The following RGS6 variants were observed in gnomAD, a reference collection of about 807,000 sequenced individuals.
The protein encoded by RGS6 is regulator of G-protein signaling 6.
RGS6 carries 30 observed loss-of-function variants against 78.5 expected under a neutral mutation model. The ratio of observed to expected loss-of-function variants is 0.38; its 90% CI spans 0.29 to 0.52. RGS6 has a LOEUF of 0.52. Ranked by LOEUF, RGS6 falls within the 20% of genes least tolerant of loss-of-function variation. The probability of loss-of-function intolerance (pLI) is 0.85; values close to 1 mark genes in which losing one functional copy is unlikely to be tolerated. For missense variants in RGS6, 495 were observed against 609.7 expected (o/e 0.81, Z 1.98); for synonymous variants, 206 against 206.0 (o/e 1.00, Z 0.00).
intron 17 of RGS6, chr14:72,540,661 A>G (rs2097313074): frequency 2.1e-6 from 3 of 1,397,056 alleles, no homozygotes; most frequent in South Asian, 1.1e-5. Context: ...TCGCCTCTGC[A>G]TGAGTCCCTT....
At chr14:71,877,350 A>G in the RGS6 span, among the ~76,000 whole-genome samples, 1 of 152,104 alleles carries the variant, frequency 6.6e-6, no homozygotes, top group Non-Finnish European at 1.5e-5. Context: ...ATAGTCCCAT[A>G]TTTCTTGGAG....
intron 1 of RGS6, among the ~76,000 whole-genome samples, chr14:71,956,177 T>C (rs1473013151): frequency 1.3e-5 from 2 of 152,156 alleles, no homozygotes; most frequent in African/African-American, 4.8e-5. Context: ...TCAGCCTGGT[T>C]GTGTGACTTC....
chr14:72,335,758 T>G (rs1232983079), intron 2 of RGS6, among the ~76,000 whole-genome samples: 1 of 152,232 alleles, frequency 6.6e-6, no homozygotes, highest in African/African-American at 2.4e-5. Context: ...TTAAGAATGT[T>G]TACAAACTTG....
chr14:72,391,036 G>A (rs2089843327), intron 3 of RGS6, among the ~76,000 whole-genome samples: 1 of 152,176 alleles, frequency 6.6e-6, no homozygotes, highest in Non-Finnish European at 1.5e-5. Flanking sequence ...AGCAGAGACT[G>A]TGAAACTCAA....
chr14:72,167,864 G>T (rs2096950901), intron 2 of RGS6, among the ~76,000 whole-genome samples: 1 of 152,154 alleles, frequency 6.6e-6, no homozygotes, highest in Non-Finnish European at 1.5e-5. Flanking sequence ...AGCAGCCTCT[G>T]TACAGAGGGC....
chr14:72,114,023 A>G (rs2095833258), intron 2 of RGS6, among the ~76,000 whole-genome samples: 1 of 152,200 alleles, frequency 6.6e-6, no homozygotes, highest in South Asian at 2.1e-4. Flanking sequence ...TGGCTGTTGT[A>G]TTGTAAAAGA....
chr14:71,932,642 G>C lies in RGS6; in HGVS notation c.-320G>C, dbSNP rs998479677. ...AGCCAGGCCAGCCCGGAGCGCGCCG[G>C]GGACACCCTGTGCGCCCCGAGTCCC... is the stretch of plus-strand genomic sequence containing the variant. On this transcript the variant is annotated 5_prime_UTR_variant, in exon 1 of 18. Transcript: ENST00000553525. 1.3e-5 allele frequency: 2 copies of C among 152,208 alleles called. No individual in the cohort carries two copies. Among genetic ancestry groups the C allele is most frequent in the Non-Finnish European group, 2.9e-5 (2 of 68,044 alleles). The allele number at this position is 152,208 out of a possible 1,614,324, so 9.4% of individuals were successfully genotyped here.
the RGS6 span, among the ~76,000 whole-genome samples, chr14:71,905,291 C>T: frequency 1.3e-5 from 2 of 152,212 alleles, no homozygotes; most frequent in Non-Finnish European, 2.9e-5. Context: ...GATGAACGAC[C>T]TTAAACCTCA....
chr14:72,509,307 G>T (rs2096850219), intron 13 of RGS6, among the ~76,000 whole-genome samples: 1 of 151,188 alleles, frequency 6.6e-6, no homozygotes, highest in Non-Finnish European at 1.5e-5. Flanking sequence ...AGAGGTTGCA[G>T]TGAGCCACAA....
intron 2 of RGS6, among the ~76,000 whole-genome samples, chr14:72,235,714 C>A (rs1427652005): frequency 6.6e-6 from 1 of 152,184 alleles, no homozygotes; most frequent in African/African-American, 2.4e-5. Context: ...TACAGTCCAA[C>A]AATGTGCTAG....
chr14:72,610,630 A>T, the RGS6 span, among the ~76,000 whole-genome samples: 2 of 152,318 alleles, frequency 1.3e-5, no homozygotes, highest in Non-Finnish European at 2.9e-5. Flanking sequence ...TTGTGAATCG[A>T]CCGTGTGACG....
the RGS6 span, among the ~76,000 whole-genome samples, chr14:71,895,042 G>A: frequency 2.0e-5 from 3 of 152,144 alleles, no homozygotes; most frequent in African/African-American, 7.2e-5. Context: ...GGGATTACAG[G>A]CGTGAGCCAC....
chr14:71,939,129 A>G (rs2090071544), intron 1 of RGS6, among the ~76,000 whole-genome samples: 1 of 152,176 alleles, frequency 6.6e-6, no homozygotes, highest in Non-Finnish European at 1.5e-5. Context: ...GGGCCGGAGT[A>G]ACACACCCAA....
chr14:72,399,551 G>A (rs1045481865), intron 3 of RGS6, among the ~76,000 whole-genome samples: 2 of 152,132 alleles, frequency 1.3e-5, no homozygotes, highest in South Asian at 2.1e-4. Flanking sequence ...GTATTGTTAT[G>A]TGTGAATTTG....
At chr14:72,056,339 G>T (rs2093618572) in intron 2 of RGS6, among the ~76,000 whole-genome samples, 1 of 152,142 alleles carries the variant, frequency 6.6e-6, no homozygotes, top group Non-Finnish European at 1.5e-5. Flanking sequence ...TTTGGAACAT[G>T]TGTTATCTTC....
intron 2 of RGS6, among the ~76,000 whole-genome samples, chr14:72,165,679 G>C (rs1162077069): frequency 6.6e-6 from 1 of 152,186 alleles, no homozygotes; most frequent in Non-Finnish European, 1.5e-5. Context: ...TTGCTGAAAA[G>C]AACAAATGTG....
At chr14:72,538,432 AG>A (rs1567081027) in intron 16 of RGS6, among the ~76,000 whole-genome samples, 2 of 152,244 alleles carry the variant, frequency 1.3e-5, no homozygotes, top group Admixed American at 6.5e-5. Flanking sequence ...CTCAGGGGGT[AG>A]GTGAGCTGAG....
intron 2 of RGS6, among the ~76,000 whole-genome samples, chr14:72,036,198 A>ATGTAGT (rs1390948091): frequency 1.6e-3 from 73 of 46,118 alleles, no homozygotes; most frequent in Admixed American, 6.1e-3. Context: ...TTGCATGTAA[A>ATGTAGT]CATATTATTA....
chr14:72,547,130 G>A (rs1359580954), intron 17 of RGS6: 2 of 1,530,136 alleles, frequency 1.3e-6, no homozygotes. Context: ...CGACCACTCA[G>A]AAGACAGGAT....
Sources: allele counts gnomAD v4.1 joint callset (sites outside exome capture counted in the v4.1 genomes callset), GRCh38; gene constraint gnomAD v4.1.1; transcripts MANE v1.5; gene names NCBI Gene and HGNC (gene_info 2026-07-23, HGNC 2026-07-21).